The following CRB1 variants were observed in gnomAD, a reference collection of about 807,000 sequenced individuals.
CRB1 encodes the protein protein crumbs homolog 1.
In CRB1, 83 loss-of-function variants were observed where a neutral mutation model predicts 120.0. The ratio of observed to expected loss-of-function variants is 0.69; its 90% CI spans 0.58 to 0.83. CRB1 has a LOEUF of 0.83. Among genes scored for constraint, CRB1 ranks in the 40% least tolerant of loss-of-function variants. The probability of loss-of-function intolerance (pLI) is 0.00; values close to 1 mark genes in which losing one functional copy is unlikely to be tolerated. For synonymous variants in CRB1, 625 were observed against 612.5 expected (o/e 1.02, Z -0.30); for missense variants, 1,699 against 1,687.6 (o/e 1.01, Z -0.12).
chr1:197,408,141 T>C (rs1424596046), intron 5 of CRB1, among the ~76,000 whole-genome samples: 2 of 152,048 alleles, frequency 1.3e-5, no homozygotes, highest in Non-Finnish European at 2.9e-5. Context: ...AAGAATACAA[T>C]GTACTCTGTG....
chr1:197,402,925 TA>T (rs1206275938), intron 5 of CRB1, among the ~76,000 whole-genome samples: 1 of 152,252 alleles, frequency 6.6e-6, no homozygotes, highest in Non-Finnish European at 1.5e-5. Flanking sequence ...CTTGTTATTT[TA>T]CACTGCATCC....
At chr1:197,269,054 C>A (rs192310703) in intron 1 of CRB1, among the ~76,000 whole-genome samples, 20 of 152,296 alleles carry the variant, frequency 1.3e-4, no homozygotes, top group African/African-American at 4.6e-4. Context: ...TTTCCACAAA[C>A]TTCCCCAAAT....
intron 1 of CRB1, among the ~76,000 whole-genome samples, chr1:197,297,132 A>G (rs148594725): frequency 1.1e-4 from 17 of 151,806 alleles, no homozygotes; most frequent in African/African-American, 4.1e-4. Context: ...TGACTGGGCC[A>G]CTGAATCTTG....
chr1:197,246,087 A>G, the CRB1 span, among the ~76,000 whole-genome samples: 16 of 152,032 alleles, frequency 1.1e-4, no homozygotes, highest in African/African-American at 3.6e-4. Context: ...TACACTGGAA[A>G]TATGGGAGGA....
chr1:197,354,845 C>CCCCA (rs1660368465), intron 4 of CRB1, among the ~76,000 whole-genome samples: 1 of 17,794 alleles, frequency 5.6e-5, no homozygotes, highest in Non-Finnish European at 3.7e-4. Flanking sequence ...CCCGCCCACC[C>CCCCA]CCCCCCCCCC....
intron 5 of CRB1, among the ~76,000 whole-genome samples, chr1:197,369,339 C>T (rs1198645603): frequency 6.6e-6 from 1 of 151,792 alleles, no homozygotes; most frequent in Admixed American, 6.6e-5. Context: ...TCAGAAACAC[C>T]CCTCTCCTCC....
At chr1:197,458,282 A>T (rs1666372218) in intron 11 of CRB1, among the ~76,000 whole-genome samples, 1 of 152,114 alleles carries the variant, frequency 6.6e-6, no homozygotes, top group South Asian at 2.1e-4. Flanking sequence ...GCCCTACAGC[A>T]GCCACAGGAG....
chr1:197,429,167 T>A lies in CRB1; in HGVS notation c.2677-282T>A. 2.6e-6 allele frequency: 4 copies of A among 1,530,044 alleles called. No homozygotes were observed. The South Asian group carries it at 4.8e-5, about 18-fold the overall frequency. The allele number at this position is 1,530,044 out of a possible 1,614,324, so 94.8% of individuals were successfully genotyped here. On this transcript the variant is annotated intron_variant, in intron 7 of 11. Transcript: ENST00000367400. ...ATGTGAAAAAGTGCCTGGTAATTTGTAAATTACAGAGGACACTGCTATACT... is the reference window on the plus strand; with the variant it reads ...ATGTGAAAAAGTGCCTGGTAATTTGAAAATTACAGAGGACACTGCTATACT...
intron 1 of CRB1, among the ~76,000 whole-genome samples, chr1:197,286,224 TC>T (rs1174908036): frequency 1.3e-5 from 2 of 151,902 alleles, no homozygotes; most frequent in Admixed American, 6.6e-5. Context: ...AGGTTACCTA[TC>T]AAAGGGCACA....
At chr1:197,378,252 C>T (rs187910169) in intron 5 of CRB1, among the ~76,000 whole-genome samples, 4 of 152,240 alleles carry the variant, frequency 2.6e-5, no homozygotes, top group Non-Finnish European at 5.9e-5. Context: ...CAGCCAATAG[C>T]GTAAGATTTT....
At chr1:197,285,924 GA>G (rs1227613607) in intron 1 of CRB1, among the ~76,000 whole-genome samples, 1 of 151,900 alleles carries the variant, frequency 6.6e-6, no homozygotes, top group Non-Finnish European at 1.5e-5. Context: ...AATTTGAGCA[GA>G]ATCTCTTTCT....
chr1:197,468,957 A>G (rs1020903452), intron 11 of CRB1, among the ~76,000 whole-genome samples: 1 of 152,212 alleles, frequency 6.6e-6, no homozygotes, highest in Non-Finnish European at 1.5e-5. Context: ...GAAAAGTGGC[A>G]GATAGAGAGA....
intron 11 of CRB1, among the ~76,000 whole-genome samples, chr1:197,445,893 A>C (rs1665675865): frequency 6.6e-6 from 1 of 152,188 alleles, no homozygotes; most frequent in Admixed American, 6.5e-5. Flanking sequence ...AAGTTATGGT[A>C]AGGAATGTGG....
intron 5 of CRB1, among the ~76,000 whole-genome samples, chr1:197,400,372 C>A (rs568180982): frequency 6.8e-6 from 1 of 147,662 alleles, no homozygotes; most frequent in African/African-American, 2.5e-5. Flanking sequence ...AGAGCAGTGG[C>A]GCAATCTTGG....
At chr1:197,341,952 C>T (rs1202016997) in intron 2 of CRB1, among the ~76,000 whole-genome samples, 1 of 152,130 alleles carries the variant, frequency 6.6e-6, no homozygotes, top group Non-Finnish European at 1.5e-5. Context: ...AAAAGCATTC[C>T]AGACAGAGAT....
intron 3 of CRB1, 41 bp from the exon 4 acceptor site, chr1:197,347,299 T>C (rs772387626): frequency 1.9e-6 from 3 of 1,577,430 alleles, no homozygotes; most frequent in South Asian, 1.1e-5. Flanking sequence ...CTGATCTCAA[T>C]ATGACTAAGA....
chr1:197,327,778 G>A (rs1256091304), intron 1 of CRB1, among the ~76,000 whole-genome samples: 2 of 152,168 alleles, frequency 1.3e-5, no homozygotes, highest in African/African-American at 4.8e-5. Flanking sequence ...CTCTAGGGGA[G>A]GCAGGAGACT....
chr1:197,337,280 C>T (rs973846774), intron 2 of CRB1, among the ~76,000 whole-genome samples: 4 of 152,130 alleles, frequency 2.6e-5, no homozygotes, highest in African/African-American at 9.7e-5. Flanking sequence ...CTAGTGCCTA[C>T]CTAGTTATCA....
At chr1:197,250,205 A>G in the CRB1 span, among the ~76,000 whole-genome samples, 2 of 151,980 alleles carry the variant, frequency 1.3e-5, no homozygotes, top group African/African-American at 4.8e-5. Flanking sequence ...TTATTAATCT[A>G]TTGGAAATTT....
Sources: allele counts gnomAD v4.1 joint callset (sites outside exome capture counted in the v4.1 genomes callset), GRCh38; gene constraint gnomAD v4.1.1; transcripts MANE v1.5; gene names NCBI Gene and HGNC (gene_info 2026-07-23, HGNC 2026-07-21).